The following NSD2 variants were observed in gnomAD, a reference collection of about 807,000 sequenced individuals.
The protein encoded by NSD2 is nuclear receptor binding SET domain protein 2.
In NSD2, 12 loss-of-function variants were observed where a neutral mutation model predicts 139.0. The ratio of observed to expected loss-of-function variants is 0.09; its 90% CI spans 0.06 to 0.14. NSD2 has a LOEUF of 0.14. Among genes scored for constraint, NSD2 ranks in the 10% least tolerant of loss-of-function variants. The pLI, the probability that NSD2 is intolerant of heterozygous loss-of-function variation, is 1.00. For missense variants in NSD2, 1,155 were observed against 1,745.0 expected (o/e 0.66, Z 6.02); for synonymous variants, 669 against 648.7 (o/e 1.03, Z -0.48).
intron 6 of NSD2, among the ~76,000 whole-genome samples, chr4:1,934,878 AATATATATATATAT>A (rs1161633448): frequency 8.6e-4 from 19 of 22,058 alleles, no homozygotes; most frequent in African/African-American, 4.1e-3. Context: ...AAAAAAAAAA[AATATATATATATAT>A]ATATATATAT....
intron 8 of NSD2, 41 bp from the exon 9 acceptor site, chr4:1,939,613 G>T (rs904231715): frequency 3.1e-6 from 5 of 1,596,360 alleles, no homozygotes; most frequent in Non-Finnish European, 4.3e-6. Context: ...AAGATCAAGG[G>T]TTTATGATTT....
At chr4:1,899,396 G>A (rs901646502) in intron 1 of NSD2, 3 of 152,212 alleles carry the variant, frequency 2.0e-5, no homozygotes, top group African/African-American at 7.2e-5. Flanking sequence ...CCCATCAGAG[G>A]TCAGGGTCCG....
intron 9 of NSD2, chr4:1,947,758 T>C (rs1037728326): frequency 9.5e-7 from 1 of 1,049,874 alleles, no homozygotes; most frequent in Admixed American, 5.5e-5. Flanking sequence ...ATGAAAATTA[T>C]GTCAGTTTAT....
At chr4:1,941,580 G>C (rs1191727023) in intron 9 of NSD2, 13 of 1,038,486 alleles carry the variant, frequency 1.3e-5, no homozygotes, top group Non-Finnish European at 1.5e-5. Flanking sequence ...GTCAGAAGTT[G>C]ATAGGTTGTT....
rs560039850 is a variant in NSD2 at position 1,976,983 on chromosome 4, C to T, written c.3826+304C>T. On this transcript the variant is annotated intron_variant, in intron 21 of 21. Coordinates refer to ENST00000508803, the MANE Select transcript of NSD2 (RefSeq NM_001042424.3). The surrounding 1 kb of genome is among the most constrained non-coding windows in gnomAD (Gnocchi z 5.3). ...GGGGCCCTCATCCATGCTGTGGGGG[C>T]GGGGCGGCCAGGAAGGAGGCGACGC... is the stretch of plus-strand genomic sequence containing the variant. 3.3e-5 allele frequency among the ~76,000 whole-genome samples: 5 copies of T among 152,342 alleles called. No homozygotes were observed. The highest frequency in any genetic ancestry group is 1.9e-4 in the East Asian group (1 of 5,188).
chr4:1,900,873 T>C lies in NSD2; in HGVS notation c.219T>C (p.Phe73=), dbSNP rs779661761. The change falls in exon 2 of 22, where the codon TTT becomes TTC. Residue 73 remains phenylalanine, a synonymous_variant. Coordinates refer to ENST00000508803, the MANE Select transcript of NSD2 (RefSeq NM_001042424.3). ...QKFNGHDALP[F]IPADKLKDLT... ...TTAACGGCCACGACGCCCTGCCCTTTATTCCAGCCGACAAGCTGAAAGATC... is the reference window on the plus strand; with the variant it reads ...TTAACGGCCACGACGCCCTGCCCTTCATTCCAGCCGACAAGCTGAAAGATC... The C allele has an allele frequency of 6.2e-7, 1 of 1,613,264 alleles. No individual in the cohort carries two copies. Among genetic ancestry groups the C allele is most frequent in the Non-Finnish European group, 8.5e-7 (1 of 1,179,376 alleles).
At chr4:1,945,691 C>CT in intron 9 of NSD2, 1 of 1,063,338 alleles carries the variant, frequency 9.4e-7, no homozygotes, top group Non-Finnish European at 1.1e-6. Context: ...AAGTCCTTGG[C>CT]TCGTTTGATC....
chr4:1,920,749 A>G (rs1206232152), intron 5 of NSD2, among the ~76,000 whole-genome samples: 1 of 151,784 alleles, frequency 6.6e-6, no homozygotes, highest in Non-Finnish European at 1.5e-5. Flanking sequence ...AAAAGAAAAG[A>G]AAGGCCGAGT....
intron 3 of NSD2, among the ~76,000 whole-genome samples, chr4:1,905,696 C>T (rs1231893852): frequency 6.6e-6 from 1 of 152,198 alleles, no homozygotes; most frequent in African/African-American, 2.4e-5. Flanking sequence ...GGTGCCCTTG[C>T]CTGAGTCCTG....
At chr4:1,939,084 C>T (rs1307358872) in intron 8 of NSD2, among the ~76,000 whole-genome samples, 1 of 152,094 alleles carries the variant, frequency 6.6e-6, no homozygotes, top group Non-Finnish European at 1.5e-5. Flanking sequence ...GTCATACCTT[C>T]TCCAACTCTT....
At chr4:1,959,363 T>G (rs1725143231) in intron 16 of NSD2, 108 bp from the exon 17 acceptor site, 11 of 1,377,364 alleles carry the variant, frequency 8.0e-6, no homozygotes, top group Non-Finnish European at 1.1e-5. Flanking sequence ...CTCTGAAGCT[T>G]TCTAAAAGGC....
intron 9 of NSD2, chr4:1,944,014 G>T (rs1336743435): frequency 1.9e-6 from 2 of 1,065,650 alleles, no homozygotes; most frequent in African/African-American, 3.3e-5. Flanking sequence ...AGAGCAGCAT[G>T]ACATTGGCAT....
intron 9 of NSD2, chr4:1,940,523 TA>T (rs1183724922): frequency 6.6e-6 from 7 of 1,064,300 alleles, no homozygotes; most frequent in Admixed American, 1.1e-4. Flanking sequence ...TGTTCGGAGG[TA>T]GTTTTGGTTT....
At chr4:1,965,034 A>T (rs1725737621) in intron 18 of NSD2, among the ~76,000 whole-genome samples, 1 of 141,678 alleles carries the variant, frequency 7.1e-6, no homozygotes, top group Admixed American at 7.5e-5. Flanking sequence ...ATTAGACTTA[A>T]CATGTCCAGT....
rs1461668086 is a variant in NSD2, at chr4:1,942,272, T to C, written c.1881+2494T>C. On this transcript the variant is annotated intron_variant, in intron 9 of 21. Transcript: ENST00000508803. The surrounding 1 kb of genome is among the most constrained non-coding windows in gnomAD (Gnocchi z 4.0). ...AAGGAATTAATGTGATTTAAGTGTT[T>C]TGTAACTTCATTTTTTATTCCTTTA... 1.9e-6 allele frequency: 3 copies of C among 1,593,900 alleles called. No individual in the cohort carries two copies. The highest frequency in any genetic ancestry group is 2.6e-6 in the Non-Finnish European group (3 of 1,172,682).
intron 18 of NSD2, among the ~76,000 whole-genome samples, chr4:1,962,497 T>C (rs1725468620): frequency 6.6e-6 from 1 of 152,234 alleles, no homozygotes; most frequent in Admixed American, 6.5e-5. Flanking sequence ...TGTCAGATAT[T>C]CGTAACTTAC....
Position 1,900,735 on chromosome 4 carries a change from C to T in NSD2, c.81C>T (p.Ile27=). The T allele has an allele frequency of 6.2e-7, 1 of 1,614,078 alleles. No homozygotes were observed. Among genetic ancestry groups the T allele is most frequent in the Non-Finnish European group, 8.5e-7 (1 of 1,180,000 alleles). ...KCIKMKQAPE[I]LGSANGKTPS... The stretch of plus-strand genomic sequence containing the variant: ...TAAAGATGAAGCAGGCACCAGAAAT[C>T]CTCGGCAGTGCCAACGGGAAGACTC... Residue 27 remains isoleucine, a synonymous_variant, in exon 2 of 22, where the codon ATC becomes ATT. Coordinates refer to ENST00000508803, the MANE Select transcript of NSD2 (RefSeq NM_001042424.3).
At chr4:1,875,486 C>T (rs945351811) in intron 1 of NSD2, among the ~76,000 whole-genome samples, 1 of 151,934 alleles carries the variant, frequency 6.6e-6, no homozygotes, top group African/African-American at 2.4e-5. Flanking sequence ...CACCATGTTG[C>T]CCAGGCTGGT....
At position 1,942,316 on chromosome 4, in the gene NSD2, T is replaced by A; in HGVS notation, c.1881+2538T>A. The A allele has an allele frequency of 6.2e-7, 1 of 1,610,750 alleles. No homozygotes were observed. ...TCCTTTAGTAGAGCAAATTCTTATTTTTTTCGCCTTCACTGGTAACAGCTT... is the reference window on the plus strand; with the variant it reads ...TCCTTTAGTAGAGCAAATTCTTATTATTTTCGCCTTCACTGGTAACAGCTT... On this transcript the variant is annotated intron_variant, in intron 9 of 21. Transcript: ENST00000508803. The surrounding 1 kb of genome is among the most constrained non-coding windows in gnomAD (Gnocchi z 4.0).
Sources: allele counts gnomAD v4.1 joint callset (sites outside exome capture counted in the v4.1 genomes callset), GRCh38; gene constraint gnomAD v4.1.1; non-coding constraint Gnocchi (gnomAD v3.1); transcripts MANE v1.5; gene names NCBI Gene and HGNC (gene_info 2026-07-23, HGNC 2026-07-21).